Variants in NKAIN1 observed in about 807,000 individuals in gnomAD.
NKAIN1 encodes the protein sodium/potassium transporting ATPase interacting 1.
A neutral mutation model predicts 31.6 loss-of-function variants in NKAIN1; 13 were observed. That is an observed-to-expected ratio of 0.41 (90% CI 0.27 to 0.65). NKAIN1 has a LOEUF of 0.65. Ranked by LOEUF, NKAIN1 falls within the 30% of genes least tolerant of loss-of-function variation. The pLI is 0.30. For synonymous variants in NKAIN1, 104 were observed against 109.0 expected (o/e 0.95, Z 0.28); for missense variants, 193 against 262.2 (o/e 0.74, Z 1.82).
chr1:31,204,445 C>T (rs569906114), intron 1 of NKAIN1, among the ~76,000 whole-genome samples: 1 of 152,242 alleles, frequency 6.6e-6, no homozygotes, highest in East Asian at 1.9e-4. Context: ...TCTACTTCTG[C>T]CCATGTTCCC....
At chr1:31,210,698 A>G (rs1158815817) in intron 1 of NKAIN1, among the ~76,000 whole-genome samples, 1 of 152,210 alleles carries the variant, frequency 6.6e-6, no homozygotes, top group Non-Finnish European at 1.5e-5. Flanking sequence ...GATCATTTCT[A>G]ACAGAACCCA....
intron 1 of NKAIN1, among the ~76,000 whole-genome samples, chr1:31,194,214 T>C (rs1441741805): frequency 6.6e-6 from 1 of 152,042 alleles, no homozygotes; most frequent in Non-Finnish European, 1.5e-5. Context: ...AATCCCAGAG[T>C]GACAGATGAG....
At chr1:31,232,424 T>TATATATATATATATAGAGAG (rs1313157898) in intron 1 of NKAIN1, among the ~76,000 whole-genome samples, 3 of 16,924 alleles carry the variant, frequency 1.8e-4, no homozygotes, top group African/African-American at 1.7e-4. Flanking sequence ...TATATATATA[T>TATATATATATATATAGAGAG]AGAGAGAGAG....
chr1:31,227,119 C>T (rs182887971), intron 1 of NKAIN1, among the ~76,000 whole-genome samples: 1 of 152,320 alleles, frequency 6.6e-6, no homozygotes, highest in East Asian at 1.9e-4. Flanking sequence ...ACCACTGTGC[C>T]CAGCCAAAGG....
In NKAIN1 at chr1:31,201,942, C is replaced by T. The variant is rs74916493; in HGVS notation, c.55-13755G>A. 5.8e-3 allele frequency among the ~76,000 whole-genome samples: 877 copies of T among 152,348 alleles called. 10 individuals carry two copies. The highest frequency in any genetic ancestry group is 0.02 in the African/African-American group (823 of 41,592). ...AGGTCCTGGACCCCCAATCCCCTGA[C>T]TGCCATCTGCCTGTCTGCACGCCCT... On this transcript the variant is annotated intron_variant, in intron 1 of 6. Transcript: ENST00000373736.
At position 31,201,398 on chromosome 1, in the gene NKAIN1, G is replaced by A. The variant is rs375344093; in HGVS notation, c.55-13211C>T. 2.6e-4 allele frequency among the ~76,000 whole-genome samples: 36 copies of A among 137,946 alleles called. No individual in the cohort carries two copies. The East Asian group carries it at 3.0e-3, about 11-fold the overall frequency. The allele number at this position is 137,946 out of a possible 152,430, so 90.5% of individuals were successfully genotyped here. A position where few individuals can be genotyped will look rare whatever the true frequency, so the allele number is the denominator to read the frequency against. ...TTTTGAGACGGAGTCTCTCTCTGTC[G>A]CCGAGGCTGGAGTGCAGTGGCACTA... On this transcript the variant is annotated intron_variant, in intron 1 of 6. Coordinates refer to ENST00000373736, the MANE Select transcript of NKAIN1 (RefSeq NM_024522.3).
intron 1 of NKAIN1, among the ~76,000 whole-genome samples, chr1:31,229,621 CCAGACAGA>C (rs558574432): frequency 3.1e-4 from 47 of 151,994 alleles, no homozygotes; most frequent in Middle Eastern, 3.4e-3. Flanking sequence ...TCTCAGCTCA[CCAGACAGA>C]CAGACAGACA....
In NKAIN1 at chr1:31,239,840, G is replaced by A. The variant is rs1645721934; in HGVS notation, c.-293C>T. Among the ~76,000 whole-genome samples the A allele has an allele frequency of 6.6e-6, 1 of 151,952 alleles. No individual in the cohort carries two copies. Among genetic ancestry groups the A allele is most frequent in the African/African-American group, 2.4e-5 (1 of 41,428 alleles). On this transcript the variant is annotated 5_prime_UTR_variant, in exon 1 of 7. Coordinates refer to ENST00000373736, the MANE Select transcript of NKAIN1 (RefSeq NM_024522.3). This position sits in a 1 kb window ranked among gnomAD's most constrained non-coding sequence, Gnocchi z 4.8. ...CCCCGGGGCGGCTGGCGGGGAGCGC[G>A]GAGCAAGGAGAGCGAGCCCCGAGCG...
chr1:31,185,061 T>A, intron 3 of NKAIN1, 186 bp downstream of exon 3: 1 of 596,514 alleles, frequency 1.7e-6, no homozygotes, highest in East Asian at 2.9e-5. Flanking sequence ...TGCTCCATCA[T>A]TGTGTTTGAG....
intron 1 of NKAIN1, among the ~76,000 whole-genome samples, chr1:31,238,285 A>G (rs552269412): frequency 1.3e-5 from 2 of 152,268 alleles, no homozygotes; most frequent in South Asian, 2.1e-4. Flanking sequence ...TTCACTCTAC[A>G]TTATCATTGG....
In NKAIN1 at chr1:31,180,402, A is replaced by C. The variant is rs1207752465; in HGVS notation, c.*1301T>G. 1.3e-5 allele frequency: 2 copies of C among 152,138 alleles called. No homozygotes were observed. Among genetic ancestry groups the C allele is most frequent in the Non-Finnish European group, 2.9e-5 (2 of 68,066 alleles). The allele number at this position is 152,138 out of a possible 1,614,324, so 9.4% of individuals were successfully genotyped here. A position where few individuals can be genotyped will look rare whatever the true frequency, so the allele number is the denominator to read the frequency against. ...AGGTGGGGAAAGTGTTCTCACCTCT[A>C]CTTGCCCCCAAGGAAGGGTGAGGGT... On this transcript the variant is annotated 3_prime_UTR_variant, in exon 7 of 7. Transcript: ENST00000373736.
chr1:31,200,508 A>G (rs1570460047), intron 1 of NKAIN1, among the ~76,000 whole-genome samples: 1 of 128,956 alleles, frequency 7.8e-6, no homozygotes. Context: ...TTCATGCTGG[A>G]GTGCAGTGGC....
At chr1:31,191,727 G>A (rs374849027) in intron 1 of NKAIN1, among the ~76,000 whole-genome samples, 69 of 152,282 alleles carry the variant, frequency 4.5e-4, no homozygotes, top group African/African-American at 1.2e-3. Context: ...CCCCCAAGAG[G>A]CTGTAACAGC....
At chr1:31,192,495 T>C (rs547417872) in intron 1 of NKAIN1, among the ~76,000 whole-genome samples, 129 of 152,100 alleles carry the variant, frequency 8.5e-4, no homozygotes, top group African/African-American at 2.9e-3. Flanking sequence ...TATTCAGGGC[T>C]ATGACCCAGG....
chr1:31,184,725 C>G (rs1645228976), intron 3 of NKAIN1, among the ~76,000 whole-genome samples: 2 of 152,144 alleles, frequency 1.3e-5, no homozygotes, highest in South Asian at 4.1e-4. Context: ...TCTTTTATAT[C>G]TAAAAATAGA....
intron 1 of NKAIN1, among the ~76,000 whole-genome samples, chr1:31,200,808 T>C (rs139839432): frequency 6.6e-6 from 1 of 151,942 alleles, no homozygotes; most frequent in Non-Finnish European, 1.5e-5. Flanking sequence ...TCTGAGTACA[T>C]AACATGTATT....
At chr1:31,185,909 G>C (rs1479325905) in intron 2 of NKAIN1, among the ~76,000 whole-genome samples, 2 of 152,120 alleles carry the variant, frequency 1.3e-5, no homozygotes, top group Non-Finnish European at 2.9e-5. Context: ...GCCTAGCACA[G>C]AATAGCTGGA....
intron 1 of NKAIN1, among the ~76,000 whole-genome samples, chr1:31,188,739 G>A (rs1645263238): frequency 6.6e-6 from 1 of 152,118 alleles, no homozygotes; most frequent in Admixed American, 6.6e-5. Flanking sequence ...TTGCCCATGC[G>A]ACTTGCTTTG....
intron 1 of NKAIN1, among the ~76,000 whole-genome samples, chr1:31,219,810 T>C (rs751452245): frequency 1.3e-5 from 2 of 152,198 alleles, no homozygotes; most frequent in Non-Finnish European, 2.9e-5. Context: ...CTGGCTGTGA[T>C]TGTGGCCCAG....
Sources: gnomAD v4.1 joint callset for allele counts (sites outside exome capture counted in the v4.1 genomes callset) on GRCh38, gnomAD v4.1.1 for gene constraint, Gnocchi (gnomAD v3.1) non-coding constraint, MANE v1.5 for transcripts, NCBI Gene and HGNC (gene_info 2026-07-23, HGNC 2026-07-21) for gene names.